The following VWA3B variants were observed in gnomAD, a reference collection of about 807,000 sequenced individuals.
The protein encoded by VWA3B is von Willebrand factor A domain containing 3B.
Under a neutral mutation model 158.3 loss-of-function variants are expected in VWA3B, and 138 were observed. The ratio of observed to expected loss-of-function variants is 0.87; its 90% CI spans 0.76 to 1.00. The LOEUF is 1.00. Ranked by LOEUF, VWA3B falls within the 50% of genes least tolerant of loss-of-function variation. The pLI is 0.00. For synonymous variants in VWA3B, 596 were observed against 587.3 expected, an observed-to-expected ratio of 1.01 and a Z score of -0.21; for missense variants, 1,555 against 1,565.1, an observed-to-expected ratio of 0.99 and a Z score of 0.11.
intron 11 of VWA3B, among the ~76,000 whole-genome samples, chr2:98,193,731 A>C (rs1681792144): frequency 6.6e-6 from 1 of 151,914 alleles, no homozygotes; most frequent in Non-Finnish European, 1.5e-5. Context: ...CTGGGACTAC[A>C]GGCGCCTGCC....
intron 23 of VWA3B, 59 bp downstream of exon 23, chr2:98,290,681 A>G: frequency 8.3e-7 from 1 of 1,197,832 alleles, no homozygotes; most frequent in South Asian, 1.4e-5. Context: ...TACTAGGGAC[A>G]AGAAGTTTCA....
intron 2 of VWA3B, among the ~76,000 whole-genome samples, chr2:98,094,939 T>G (rs1457861463): frequency 2.0e-5 from 3 of 152,178 alleles, no homozygotes; most frequent in African/African-American, 7.2e-5. Flanking sequence ...TACATACATA[T>G]GTGGATTTAT....
At chr2:98,252,880 T>C (rs948107978) in intron 20 of VWA3B, among the ~76,000 whole-genome samples, 9 of 152,176 alleles carry the variant, frequency 5.9e-5, no homozygotes, top group Admixed American at 2.0e-4. Context: ...AGCCTTTTAG[T>C]ACCCTCTAGA....
At position 98,310,152 on chromosome 2, in the gene VWA3B, C is replaced by T. The variant is rs77340605; in HGVS notation, c.3522-1667C>T. 7.9e-5 allele frequency among the ~76,000 whole-genome samples: 12 copies of T among 152,348 alleles called. No individual in the cohort carries two copies. In the East Asian group the frequency reaches 2.1e-3, roughly 27 times the overall value. On this transcript the variant is annotated intron_variant, in intron 26 of 27. Coordinates refer to ENST00000477737, the MANE Select transcript of VWA3B (RefSeq NM_144992.5). ...CCCCCACCGGGTCTTCATCAAACATCTGCTGGTGCCTACTCCATGGGTCCT... is the reference window on the plus strand; with the variant it reads ...CCCCCACCGGGTCTTCATCAAACATTTGCTGGTGCCTACTCCATGGGTCCT...
At chr2:98,234,548 T>C in intron 16 of VWA3B, 100 bp from the exon 17 acceptor site, 1 of 1,533,030 alleles carries the variant, frequency 6.5e-7, no homozygotes, top group Non-Finnish European at 8.8e-7. Context: ...GAAACAAAGG[T>C]TGCATTCTTA....
At chr2:98,157,139 T>A (rs1298353119) in intron 7 of VWA3B, among the ~76,000 whole-genome samples, 1 of 152,196 alleles carries the variant, frequency 6.6e-6, no homozygotes, top group South Asian at 2.1e-4. Context: ...CAGAGGACGG[T>A]GCCACATTCA....
At chr2:98,261,587 G>A (rs1687482338) in intron 21 of VWA3B, among the ~76,000 whole-genome samples, 1 of 151,516 alleles carries the variant, frequency 6.6e-6, no homozygotes, top group Non-Finnish European at 1.5e-5. Flanking sequence ...TTTAGGACAG[G>A]TCTACTAGTA....
chr2:98,100,961 A>T (rs2104849629), intron 2 of VWA3B, among the ~76,000 whole-genome samples: 1 of 152,288 alleles, frequency 6.6e-6, no homozygotes, highest in South Asian at 2.1e-4. Context: ...CAATCACTGG[A>T]AAGTCCTGTT....
At chr2:98,114,087 C>A (rs898874329) in intron 2 of VWA3B, among the ~76,000 whole-genome samples, 1 of 152,192 alleles carries the variant, frequency 6.6e-6, no homozygotes, top group Non-Finnish European at 1.5e-5. Flanking sequence ...ACAAATAGCT[C>A]TTTTTATATT....
In VWA3B at chr2:98,139,393, C is replaced by T. The variant is rs568524410; in HGVS notation, c.988+5454C>T. Among the ~76,000 whole-genome samples the T allele has an allele frequency of 1.4e-4, 21 of 152,352 alleles. No homozygotes were observed. In the East Asian group the frequency reaches 3.3e-3, roughly 24 times the overall value. On this transcript the variant is annotated intron_variant, in intron 7 of 27. Coordinates refer to ENST00000477737, the MANE Select transcript of VWA3B (RefSeq NM_144992.5). Reference sequence around the variant, plus strand: ...CCAAGCGCTGAGGAGTGCGGGCGCACGGTGCAGGACTGGCAGGCAGCTCCA... The same window carrying T: ...CCAAGCGCTGAGGAGTGCGGGCGCATGGTGCAGGACTGGCAGGCAGCTCCA...
downstream of VWA3B, among the ~76,000 whole-genome samples, chr2:98,314,942 C>T (rs188495983): frequency 6.7e-6 from 1 of 150,162 alleles, no homozygotes; most frequent in East Asian, 2.0e-4. Context: ...GCAAAAGAAT[C>T]GCTTGAACCC....
rs1686720786 is a variant in VWA3B at position 98,250,354 on chromosome 2, A to G, written c.2710A>G (p.Lys904Glu). ...PLAHVCNDTN[K>E]MTLINPQGAK... ...GGCACATGTGTGCAACGACACAAATAAGATGACATTAATTAACCCCCAAGG... is the reference window on the plus strand; with the variant it reads ...GGCACATGTGTGCAACGACACAAATGAGATGACATTAATTAACCCCCAAGG... Residue 904 changes from lysine to glutamate, a missense_variant, in exon 20 of 28, where the codon AAG becomes GAG. Transcript: ENST00000477737. 1.9e-6 allele frequency: 3 copies of G among 1,613,408 alleles called. No individual in the cohort carries two copies. The South Asian group carries it at 3.3e-5, about 18-fold the overall frequency.
At chr2:98,167,601 G>A (rs1027560968) in intron 8 of VWA3B, among the ~76,000 whole-genome samples, 1 of 152,174 alleles carries the variant, frequency 6.6e-6, no homozygotes, top group Non-Finnish European at 1.5e-5. Flanking sequence ...GACCAAGGCA[G>A]CTACAATTCA....
At position 98,204,568 on chromosome 2, in the gene VWA3B, G is replaced by A. The variant is rs563359185; in HGVS notation, c.1738-7362G>A. Among the ~76,000 whole-genome samples the A allele has an allele frequency of 1.1e-4, 17 of 152,222 alleles. No homozygotes were observed. In the East Asian group the frequency reaches 2.5e-3, roughly 22 times the overall value. ...CTCTGAATACATAGAATGCCACTTG[G>A]TCATGATGTATTATTCATTTTATAC... is the stretch of plus-strand genomic sequence containing the variant. On this transcript the variant is annotated intron_variant, in intron 12 of 27. Coordinates refer to ENST00000477737, the MANE Select transcript of VWA3B (RefSeq NM_144992.5).
downstream of VWA3B, among the ~76,000 whole-genome samples, chr2:98,316,619 C>T (rs1691092743): frequency 1.4e-5 from 2 of 142,526 alleles, no homozygotes; most frequent in African/African-American, 5.3e-5. Flanking sequence ...TGTACCCCAG[C>T]GTGGGCAACA....
chr2:98,232,552 G>A (rs566334900), intron 16 of VWA3B, among the ~76,000 whole-genome samples: 113 of 152,192 alleles, frequency 7.4e-4, no homozygotes, highest in Non-Finnish European at 7.4e-4. Context: ...CTGATTGAAG[G>A]TGTGATTGTT....
At position 98,133,888 on chromosome 2, in the gene VWA3B, GA is replaced by G. The variant is rs1029163447; in HGVS notation, c.938del (p.Asp313AlafsTer3). 9 of 1,613,958 alleles carry G rather than the reference GA, an allele frequency of 5.6e-6. No homozygotes were observed. The highest frequency in any genetic ancestry group is 7.6e-6 in the Non-Finnish European group (9 of 1,180,038). On this transcript the variant is annotated frameshift_variant, in exon 7 of 28. Coordinates refer to ENST00000477737, the MANE Select transcript of VWA3B (RefSeq NM_144992.5). LOFTEE classifies it high-confidence loss of function. The stretch of plus-strand genomic sequence containing the variant: ...TCCTGCATTCTCCACAAAGGATGGT[GA>G]CAATGTGATGACTTGGAATTCAAGG... Reference protein sequence around the residue: ...EFPAFSTKDGDNVMTWNSRKL... With the variant: ...EFPAFSTKDGXNVMTWNSRKL...
chr2:98,231,625 T>C (rs1237152937), intron 16 of VWA3B, among the ~76,000 whole-genome samples: 1 of 152,206 alleles, frequency 6.6e-6, no homozygotes, highest in Non-Finnish European at 1.5e-5. Flanking sequence ...CTATAACACT[T>C]CTAGAAAAAA....
intron 10 of VWA3B, among the ~76,000 whole-genome samples, chr2:98,190,698 G>C (rs76815280): frequency 1.3e-5 from 2 of 152,080 alleles, no homozygotes; most frequent in Non-Finnish European, 2.9e-5. Context: ...CTCCTGGTTT[G>C]CATGATTTAT....
Sources: gnomAD v4.1 joint callset for allele counts (sites outside exome capture counted in the v4.1 genomes callset) on GRCh38, gnomAD v4.1.1 for gene constraint, MANE v1.5 for transcripts, NCBI Gene and HGNC (gene_info 2026-07-23, HGNC 2026-07-21) for gene names.